Variants in BICC1 observed in about 807,000 individuals in gnomAD.
The protein encoded by BICC1 is protein bicaudal C homolog 1.
BICC1 carries 43 observed loss-of-function variants against 111.0 expected under a neutral mutation model. The observed-to-expected ratio is 0.39, with a 90% CI of 0.30 to 0.50. BICC1 has a LOEUF of 0.50. Ranked by LOEUF, BICC1 falls within the 20% of genes least tolerant of loss-of-function variation. The probability of loss-of-function intolerance (pLI) is 0.88; values close to 1 mark genes in which losing one functional copy is unlikely to be tolerated. For synonymous variants in BICC1, 467 were observed against 434.4 expected, an observed-to-expected ratio of 1.07 and a Z score of -0.93; for missense variants, 1,091 against 1,203.2, an observed-to-expected ratio of 0.91 and a Z score of 1.38.
At chr10:58,599,086 G>C (rs1413659166) in intron 1 of BICC1, among the ~76,000 whole-genome samples, 1 of 152,202 alleles carries the variant, frequency 6.6e-6, no homozygotes, top group Non-Finnish European at 1.5e-5. Context: ...GTGGAAGACA[G>C]TGTAGCAATT....
At chr10:58,557,270 AT>A (rs1843475949) in intron 1 of BICC1, among the ~76,000 whole-genome samples, 3 of 147,782 alleles carry the variant, frequency 2.0e-5, no homozygotes, top group East Asian at 2.0e-4. Flanking sequence ...GATAATGTGT[AT>A]TTTTTTTCTC....
chr10:58,535,272 A>G (rs1388106899), intron 1 of BICC1, among the ~76,000 whole-genome samples: 1 of 151,802 alleles, frequency 6.6e-6, no homozygotes, highest in Admixed American at 6.6e-5. Flanking sequence ...GACGTCACCA[A>G]AGAACATAGT....
intron 4 of BICC1, 89 bp downstream of exon 4, chr10:58,785,169 A>T (rs931903605): frequency 1.8e-5 from 12 of 671,406 alleles, no homozygotes; most frequent in Non-Finnish European, 2.9e-5. Context: ...TTTGGAGAAG[A>T]AAAACCAGGA....
chr10:58,811,895 CAG>C (rs1843917977), intron 17 of BICC1, among the ~76,000 whole-genome samples: 1 of 152,070 alleles, frequency 6.6e-6, no homozygotes, highest in Non-Finnish European at 1.5e-5. Flanking sequence ...ACCCCAGAGT[CAG>C]AACCAGCCGG....
chr10:58,826,675 C>A (rs1844407996), intron 20 of BICC1, among the ~76,000 whole-genome samples: 1 of 152,224 alleles, frequency 6.6e-6, no homozygotes, highest in Non-Finnish European at 1.5e-5. Flanking sequence ...AGGAGAATGA[C>A]ATGAACCCGG....
intron 2 of BICC1, among the ~76,000 whole-genome samples, chr10:58,664,268 T>G (rs1298250741): frequency 6.6e-6 from 1 of 152,212 alleles, no homozygotes; most frequent in Non-Finnish European, 1.5e-5. Context: ...TGGTGGATAC[T>G]TAGTAGTTTC....
At chr10:58,773,177 A>T (rs1842664450) in intron 3 of BICC1, among the ~76,000 whole-genome samples, 1 of 152,166 alleles carries the variant, frequency 6.6e-6, no homozygotes, top group Non-Finnish European at 1.5e-5. Flanking sequence ...CAATTTTTCT[A>T]AAAAAGTGTA....
intron 3 of BICC1, among the ~76,000 whole-genome samples, chr10:58,753,824 C>G (rs7098323): frequency 0.37 from 55,471 of 151,870 alleles, 10,286 homozygotes; most frequent in South Asian, 0.45. Context: ...GGACAAAGGC[C>G]CTTTTTGCCT....
At chr10:58,565,272 A>T (rs1039679695) in intron 1 of BICC1, among the ~76,000 whole-genome samples, 1 of 152,236 alleles carries the variant, frequency 6.6e-6, no homozygotes, top group Non-Finnish European at 1.5e-5. Flanking sequence ...TGTTATGTCC[A>T]TGTGCCTAGG....
At chr10:58,614,760 A>G (rs1845545700) in intron 1 of BICC1, among the ~76,000 whole-genome samples, 1 of 152,176 alleles carries the variant, frequency 6.6e-6, no homozygotes, top group African/African-American at 2.4e-5. Flanking sequence ...CTTGAGCAAA[A>G]TAAGTCTCCT....
intron 3 of BICC1, among the ~76,000 whole-genome samples, chr10:58,732,074 C>T (rs1400227843): frequency 6.6e-6 from 1 of 151,990 alleles, no homozygotes; most frequent in African/African-American, 2.4e-5. Context: ...AGCTTTTGGC[C>T]TGTTTTGGCT....
intron 1 of BICC1, among the ~76,000 whole-genome samples, chr10:58,570,553 A>C (rs775494790): frequency 3.3e-5 from 5 of 152,166 alleles, no homozygotes; most frequent in African/African-American, 4.8e-5. Flanking sequence ...ATGCAGAGTT[A>C]CTTACTTCAA....
At chr10:58,633,054 C>G (rs566849468) in intron 2 of BICC1, among the ~76,000 whole-genome samples, 1 of 152,128 alleles carries the variant, frequency 6.6e-6, no homozygotes, top group Non-Finnish European at 1.5e-5. Flanking sequence ...ATAATCCCCA[C>G]GTGTCAAGGG....
intron 1 of BICC1, among the ~76,000 whole-genome samples, chr10:58,549,867 T>C (rs142614718): frequency 1.4e-4 from 21 of 152,096 alleles, no homozygotes; most frequent in Non-Finnish European, 2.4e-4. Context: ...TTTGTATTTT[T>C]AGTAGAGACG....
At chr10:58,564,774 CTATT>C (rs1236124611) in intron 1 of BICC1, among the ~76,000 whole-genome samples, 3 of 152,008 alleles carry the variant, frequency 2.0e-5, no homozygotes, top group African/African-American at 4.8e-5. Context: ...ATGGTTCTGG[CTATT>C]TATTTGAGAA....
At chr10:58,579,939 G>A (rs987915719) in intron 1 of BICC1, among the ~76,000 whole-genome samples, 2 of 150,816 alleles carry the variant, frequency 1.3e-5, no homozygotes, top group Non-Finnish European at 3.0e-5. Flanking sequence ...TCATGGCTAT[G>A]TGAGAAATAA....
chr10:58,733,228 A>T (rs1417296102), intron 3 of BICC1, among the ~76,000 whole-genome samples: 1 of 152,220 alleles, frequency 6.6e-6, no homozygotes, highest in African/African-American at 2.4e-5. Context: ...TGAAACAATC[A>T]CTAGCCCTTG....
chr10:58,651,479 T>C (rs988971001), intron 2 of BICC1, among the ~76,000 whole-genome samples: 2 of 152,190 alleles, frequency 1.3e-5, no homozygotes, highest in African/African-American at 2.4e-5. Context: ...GTTGTTTCTC[T>C]CTTTGCTTGA....
intron 3 of BICC1, among the ~76,000 whole-genome samples, chr10:58,709,440 A>G (rs1020755329): frequency 2.0e-5 from 3 of 152,246 alleles, no homozygotes; most frequent in Non-Finnish European, 4.4e-5. Flanking sequence ...TATAAAATGG[A>G]TGACAAAGGT....
Sources: allele counts gnomAD v4.1 joint callset (sites outside exome capture counted in the v4.1 genomes callset), GRCh38; gene constraint gnomAD v4.1.1; transcripts MANE v1.5; gene names NCBI Gene and HGNC (gene_info 2026-07-23, HGNC 2026-07-21).